The following PCDHGA9 variants were observed in gnomAD, a reference collection of about 807,000 sequenced individuals.
PCDHGA9 encodes protocadherin gamma-A9.
In PCDHGA9, 37 loss-of-function variants were observed where a neutral mutation model predicts 62.5. The observed-to-expected ratio is 0.59, with a 90% confidence interval of 0.46 to 0.78. The LOEUF is 0.78. PCDHGA9 is among the 30% of genes least tolerant of loss of function. PCDHGA9 has a pLI of 0.00. For missense variants in PCDHGA9, 1,138 were observed against 1,166.2 expected (o/e 0.98, Z 0.35); for synonymous variants, 459 against 484.6 (o/e 0.95, Z 0.69).
rs767719494 is a variant in PCDHGA9 at position 141,491,200 on chromosome 5, C to T, written c.2425-3607C>T. On this transcript the variant is annotated intron_variant, in intron 1 of 3. Coordinates refer to ENST00000573521, the MANE Select transcript of PCDHGA9 (RefSeq NM_018921.3). This position sits in a 1 kb window ranked among gnomAD's most constrained non-coding sequence, Gnocchi z 6.9. The stretch of plus-strand genomic sequence containing the variant: ...GGTCCTGGTGAGGGACAATGGTGAC[C>T]CTTCACTCTCCTCCACAGCCACAGT... 4 of 1,614,158 alleles carry T rather than the reference C, an allele frequency of 2.5e-6. No individual in the cohort carries two copies. The highest frequency in any genetic ancestry group is 3.4e-6 in the Non-Finnish European group (4 of 1,180,000).
At chr5:141,510,431 G>A (rs912708135) in intron 3 of PCDHGA9, among the ~76,000 whole-genome samples, 9 of 152,132 alleles carry the variant, frequency 5.9e-5, no homozygotes, top group African/African-American at 1.9e-4. Flanking sequence ...TTTCATGGCT[G>A]CTGCCCTCCA....
intron 1 of PCDHGA9, chr5:141,417,773 T>C: frequency 6.9e-7 from 1 of 1,458,374 alleles, no homozygotes; most frequent in South Asian, 1.4e-5. Context: ...GGACTCCTCC[T>C]GTCCTGGGCC....
intron 1 of PCDHGA9, chr5:141,428,257 G>T: frequency 1.2e-6 from 1 of 865,866 alleles, no homozygotes; most frequent in South Asian, 1.4e-5. Context: ...AGACTTCAGT[G>T]ACAGTCCTGT....
chr5:141,456,536 G>A (rs1231730255), intron 1 of PCDHGA9, among the ~76,000 whole-genome samples: 1 of 152,158 alleles, frequency 6.6e-6, no homozygotes, highest in Non-Finnish European at 1.5e-5. Flanking sequence ...AATTAAAGAG[G>A]GATTGTAGCC....
chr5:141,414,421 A>AGGGAACAG (rs1486483287), intron 1 of PCDHGA9: 1 of 1,613,776 alleles, frequency 6.2e-7, no homozygotes, highest in Non-Finnish European at 8.5e-7. Context: ...AGCCCTTGAC[A>AGGGAACAG]GGGAACAGGT....
rs188338684 is a variant in PCDHGA9, at chr5:141,431,953, C to T, written c.2424+26577C>T. ...TGCCCTTTAAATTAGAAAAATCTTA[C>T]GGAAATTACTATAGTTTAGTCACAG... On this transcript the variant is annotated intron_variant, in intron 1 of 3. Transcript: ENST00000573521. The surrounding 1 kb of genome is among the most constrained non-coding windows in gnomAD (Gnocchi z 4.8). 2.4e-5 allele frequency: 38 copies of T among 1,614,082 alleles called. No homozygotes were observed. In the East Asian group the frequency reaches 7.6e-4, roughly 32 times the overall value.
At chr5:141,467,060 T>C (rs1304506319) in intron 1 of PCDHGA9, among the ~76,000 whole-genome samples, 1 of 151,520 alleles carries the variant, frequency 6.6e-6, no homozygotes, top group Non-Finnish European at 1.5e-5. Context: ...GTTTTCTTTT[T>C]TTTTTTTTTT....
chr5:141,453,288 A>ATTAT (rs577328880), intron 1 of PCDHGA9, among the ~76,000 whole-genome samples: 1,792 of 151,444 alleles, frequency 0.012, 41 homozygotes, highest in African/African-American at 0.034. Context: ...TAATTTTTTA[A>ATTAT]TTATTTATTT....
intron 1 of PCDHGA9, among the ~76,000 whole-genome samples, chr5:141,448,728 C>T (rs575604763): frequency 6.6e-6 from 1 of 151,986 alleles, no homozygotes; most frequent in Non-Finnish European, 1.5e-5. Context: ...ATCACGAGGT[C>T]AGGAGATCGA....
chr5:141,499,233 C>A (rs1047984757), intron 2 of PCDHGA9, among the ~76,000 whole-genome samples: 2 of 152,116 alleles, frequency 1.3e-5, no homozygotes, highest in Non-Finnish European at 2.9e-5. Context: ...CAGCTGTCCC[C>A]AGCCTCTGCA....
intron 1 of PCDHGA9, among the ~76,000 whole-genome samples, chr5:141,460,508 G>C (rs1390313220): frequency 6.6e-6 from 1 of 152,040 alleles, no homozygotes; most frequent in East Asian, 1.9e-4. Context: ...TGCTGAGAAG[G>C]CTATCTTTTC....
intron 1 of PCDHGA9, chr5:141,423,750 TGGGG>T: frequency 7.0e-5 from 20 of 287,406 alleles, no homozygotes; most frequent in Non-Finnish European, 9.0e-5. Context: ...GAAAACTGTT[TGGGG>T]GGGGGGTGGG....
At chr5:141,448,200 T>C (rs2098574351) in intron 1 of PCDHGA9, among the ~76,000 whole-genome samples, 1 of 152,156 alleles carries the variant, frequency 6.6e-6, no homozygotes, top group Non-Finnish European at 1.5e-5. Context: ...CTTACAAACA[T>C]TTTCTGTGTG....
At chr5:141,454,811 T>TTTTTA (rs1284435092) in intron 1 of PCDHGA9, among the ~76,000 whole-genome samples, 4 of 125,862 alleles carry the variant, frequency 3.2e-5, no homozygotes, top group African/African-American at 1.3e-4. Context: ...TTTTTTTTTT[T>TTTTTA]TTTTTTTTTT....
chr5:141,413,921 C>G, intron 1 of PCDHGA9: 2 of 1,613,360 alleles, frequency 1.2e-6, no homozygotes, highest in Middle Eastern at 1.6e-4. Flanking sequence ...TTCACCTTGC[C>G]AGAATACCGA....
intron 1 of PCDHGA9, chr5:141,415,086 G>A (rs769093571): frequency 3.1e-6 from 5 of 1,613,554 alleles, no homozygotes; most frequent in South Asian, 1.1e-5. Flanking sequence ...GAGCCCTGCT[G>A]GACAGAGACG....
chr5:141,476,233 G>A lies in PCDHGA9; in HGVS notation c.2425-18574G>A, dbSNP rs1162067190. ...CGGTCATTCACTATGAGATCCCGGA[G>A]GAAAGAGAGAAGGGTTTCGCTGTGG... On this transcript the variant is annotated intron_variant, in intron 1 of 3. Coordinates refer to ENST00000573521, the MANE Select transcript of PCDHGA9 (RefSeq NM_018921.3). The surrounding 1 kb of genome is among the most constrained non-coding windows in gnomAD (Gnocchi z 7.6). The A allele has an allele frequency of 3.1e-6, 5 of 1,613,996 alleles. No homozygotes were observed. Among genetic ancestry groups the A allele is most frequent in the African/African-American group, 2.7e-5 (2 of 74,894 alleles).
intron 1 of PCDHGA9, among the ~76,000 whole-genome samples, chr5:141,434,854 A>G (rs2097723190): frequency 6.6e-6 from 1 of 151,936 alleles, no homozygotes; most frequent in Admixed American, 6.6e-5. Context: ...ACATCAATAA[A>G]TTTATATATA....
chr5:141,472,494 C>T (rs561045783), intron 1 of PCDHGA9, among the ~76,000 whole-genome samples: 9 of 151,168 alleles, frequency 6.0e-5, no homozygotes, highest in South Asian at 2.1e-4. Context: ...GAGACGAGAT[C>T]GTGCCACTGC....
Sources: allele counts gnomAD v4.1 joint callset (sites outside exome capture counted in the v4.1 genomes callset), GRCh38; gene constraint gnomAD v4.1.1; non-coding constraint Gnocchi (gnomAD v3.1); transcripts MANE v1.5; gene names NCBI Gene and HGNC (gene_info 2026-07-23, HGNC 2026-07-21).